Variants in MTUS2 observed in about 807,000 individuals in gnomAD.
MTUS2 encodes the protein microtubule associated scaffold protein 2, also known as microtubule-associated tumor suppressor candidate 2.
In MTUS2, 40 loss-of-function variants were observed where a neutral mutation model predicts 114.1. The ratio of observed to expected loss-of-function variants is 0.35; its 90% CI spans 0.27 to 0.46. The LOEUF (loss-of-function observed/expected upper bound fraction) is 0.46. Ranked by LOEUF, MTUS2 falls within the 20% of genes least tolerant of loss-of-function variation. MTUS2 has a pLI of 1.00. For synonymous variants in MTUS2, 688 were observed against 672.0 expected (o/e 1.02, Z -0.37); for missense variants, 1,679 against 1,705.4 (o/e 0.98, Z 0.27).
chr13:29,341,102 T>C (rs948497692), intron 7 of MTUS2, among the ~76,000 whole-genome samples: 3 of 152,250 alleles, frequency 2.0e-5, no homozygotes, highest in Non-Finnish European at 4.4e-5. Flanking sequence ...ATTCTGCTGC[T>C]CTACACATGT....
At chr13:29,280,930 T>C (rs995994231) in intron 5 of MTUS2, among the ~76,000 whole-genome samples, 1 of 152,210 alleles carries the variant, frequency 6.6e-6, no homozygotes, top group African/African-American at 2.4e-5. Context: ...CAAACAACTT[T>C]GCGTATTTAA....
At chr13:28,852,453 G>T (rs1374186650) in intron 2 of MTUS2, among the ~76,000 whole-genome samples, 7 of 152,160 alleles carry the variant, frequency 4.6e-5, no homozygotes, top group Admixed American at 3.9e-4. Context: ...GACAGTAGCT[G>T]GGAGGTCTGT....
chr13:29,367,163 C>T (rs986162755), intron 8 of MTUS2, among the ~76,000 whole-genome samples: 1 of 152,086 alleles, frequency 6.6e-6, no homozygotes, highest in Non-Finnish European at 1.5e-5. Flanking sequence ...GCCTGTCAAG[C>T]AGGCAGGGTA....
chr13:29,311,297 G>A (rs1242013035), intron 6 of MTUS2, among the ~76,000 whole-genome samples: 1 of 152,158 alleles, frequency 6.6e-6, no homozygotes, highest in East Asian at 1.9e-4. Context: ...CATCCCTCTG[G>A]CTGCCAGTGA....
intron 8 of MTUS2, among the ~76,000 whole-genome samples, chr13:29,381,375 GTAGT>G (rs1872192166): frequency 6.6e-6 from 1 of 152,168 alleles, no homozygotes; most frequent in Admixed American, 6.5e-5. Flanking sequence ...AGCATATAGC[GTAGT>G]TACAGTATAG....
At chr13:28,894,488 TC>T (rs914848946) in intron 2 of MTUS2, among the ~76,000 whole-genome samples, 5 of 152,090 alleles carry the variant, frequency 3.3e-5, no homozygotes, top group Non-Finnish European at 5.9e-5. Context: ...ATCTTGGACT[TC>T]CATCCTCAAG....
In MTUS2 at chr13:29,440,187, A is replaced by C. The variant is rs1877726759; in HGVS notation, c.3184+138A>C. ...ATGAATGAAGTATCTCACCCAGCAC[A>C]GTGGTGGGCTGCTGTAGCCTTAGCG... On this transcript the variant is annotated intron_variant, in intron 9 of 15. Transcript: ENST00000612955. 3 of 790,320 alleles carry C rather than the reference A, an allele frequency of 3.8e-6. No individual in the cohort carries two copies. The East Asian group carries it at 8.2e-5, about 21-fold the overall frequency. The allele number at this position is 790,320 out of a possible 1,614,324, so 49.0% of individuals were successfully genotyped here.
rs780323737 is a variant in MTUS2 at position 29,025,456 on chromosome 13, A to G, written c.758A>G (p.Gln253Arg). ...HPKPSTSESKQSTPSETQTVG... is the reference protein window; with the variant it reads ...HPKPSTSESKRSTPSETQTVG... The stretch of plus-strand genomic sequence containing the variant: ...AAACCATCTACCTCAGAAAGCAAGC[A>G]GAGCACTCCCTCAGAGACCCAAACA... The change falls in exon 3 of 16, where the codon CAG (glutamine) becomes CGG (arginine). Residue 253 changes from glutamine (Q) to arginine (R), a missense_variant. Physicochemically the swap from Gln to Arg is conservative, Grantham distance 43. Coordinates refer to ENST00000612955, the MANE Select transcript of MTUS2 (RefSeq NM_001033602.4). 2.1e-5 allele frequency: 34 copies of G among 1,612,718 alleles called. 1 individual carries two copies. In the South Asian group the frequency reaches 3.3e-4, roughly 16 times the overall value.
rs138959878 is a variant in MTUS2 at position 29,229,623 on chromosome 13, A to G, written c.2645-52081A>G. On this transcript the variant is annotated intron_variant, in intron 5 of 15. Coordinates refer to ENST00000612955, the MANE Select transcript of MTUS2 (RefSeq NM_001033602.4). ...CTTTGTCTTTAAAAATAAACTCACA[A>G]TCTCAGTTTCAGGAGGAAATCTTAA... Among the ~76,000 whole-genome samples, 4 of 152,272 alleles carry G rather than the reference A, an allele frequency of 2.6e-5. No individual in the cohort carries two copies. In the East Asian group the frequency reaches 5.8e-4, roughly 22 times the overall value.
rs112264341 is a variant in MTUS2, at chr13:29,359,446, C to T, written c.3090C>T (p.Ala1030=). 4.1e-3 allele frequency: 6,685 copies of T among 1,611,970 alleles called. 201 individuals are homozygous for T. In the African/African-American group the frequency reaches 0.076, roughly 18 times the overall value. Residue 1030 remains alanine, a synonymous_variant, in exon 8 of 16, where the codon GCC becomes GCT. Coordinates refer to ENST00000612955, the MANE Select transcript of MTUS2 (RefSeq NM_001033602.4). ...KRAICGFDAL[A]VATQHFFRKN... is the part of the protein sequence containing the mutation. ...CCATCTGCGGCTTTGATGCCCTCGC[C>T]GTGGCCACGCAGCATTTCTTTAGAA...
intron 2 of MTUS2, among the ~76,000 whole-genome samples, chr13:28,914,982 T>C (rs1593296761): frequency 1.3e-5 from 2 of 152,078 alleles, no homozygotes; most frequent in Admixed American, 1.3e-4. Context: ...AGCCTATGTG[T>C]GTCTTTGCAT....
At chr13:29,479,486 C>T (rs1265591440) in intron 9 of MTUS2, among the ~76,000 whole-genome samples, 4 of 152,188 alleles carry the variant, frequency 2.6e-5, no homozygotes, top group Non-Finnish European at 5.9e-5. Context: ...GCTGGCACAC[C>T]TGAAGCAAAC....
At chr13:29,283,790 A>G (rs1348810209) in intron 6 of MTUS2, among the ~76,000 whole-genome samples, 1 of 152,200 alleles carries the variant, frequency 6.6e-6, no homozygotes, top group East Asian at 1.9e-4. Flanking sequence ...AAAAAGGCAA[A>G]GGGCTCTTAG....
At chr13:28,865,524 C>T (rs1566185365) in intron 2 of MTUS2, among the ~76,000 whole-genome samples, 1 of 152,146 alleles carries the variant, frequency 6.6e-6, no homozygotes, top group Admixed American at 6.5e-5. Context: ...TTTATGATTC[C>T]TCTGTAAGTG....
At chr13:29,206,393 C>G (rs1035506437) in intron 5 of MTUS2, among the ~76,000 whole-genome samples, 10 of 152,156 alleles carry the variant, frequency 6.6e-5, no homozygotes, top group Non-Finnish European at 2.9e-5. Flanking sequence ...TTTTACGGTG[C>G]AGAAGCTTTT....
intron 9 of MTUS2, among the ~76,000 whole-genome samples, chr13:29,460,510 T>A (rs538368585): frequency 1.3e-5 from 2 of 152,320 alleles, no homozygotes; most frequent in Admixed American, 6.5e-5. Flanking sequence ...TTTCCTTCAC[T>A]TTTTTCTTCC....
chr13:29,137,777 T>C (rs6490358), intron 5 of MTUS2, among the ~76,000 whole-genome samples: 113,702 of 146,606 alleles, frequency 0.78, 43,151 homozygotes, highest in African/African-American at 0.83. Flanking sequence ...CCACCGTGCC[T>C]GGTTAATTTT....
chr13:29,083,112 G>C (rs959691175), intron 4 of MTUS2, among the ~76,000 whole-genome samples: 1 of 152,152 alleles, frequency 6.6e-6, no homozygotes, highest in African/African-American at 2.4e-5. Context: ...ACAATCATTA[G>C]CTATTTCTTA....
At chr13:29,107,675 A>G (rs189476547) in intron 5 of MTUS2, among the ~76,000 whole-genome samples, 31 of 152,294 alleles carry the variant, frequency 2.0e-4, no homozygotes, top group African/African-American at 3.6e-4. Context: ...CCAGTAACCT[A>G]TATATCTCCT....
Sources: allele counts gnomAD v4.1 joint callset (sites outside exome capture counted in the v4.1 genomes callset), GRCh38; gene constraint gnomAD v4.1.1; transcripts MANE v1.5; gene names NCBI Gene and HGNC (gene_info 2026-07-23, HGNC 2026-07-21).